The following CAMK2D variants were observed in gnomAD, a reference collection of about 807,000 sequenced individuals.
CAMK2D encodes calcium/calmodulin-dependent protein kinase type II subunit delta.
CAMK2D carries 37 observed loss-of-function variants against 84.0 expected under a neutral mutation model. The observed-to-expected ratio is 0.44, with a 90% CI of 0.34 to 0.58. CAMK2D has a LOEUF of 0.58. Among genes scored for constraint, CAMK2D ranks in the 20% least tolerant of loss-of-function variants. CAMK2D has a pLI of 0.02. For missense variants in CAMK2D, 448 were observed against 652.5 expected, an observed-to-expected ratio of 0.69 and a Z score of 3.41; for synonymous variants, 202 against 212.5, an observed-to-expected ratio of 0.95 and a Z score of 0.43.
chr4:113,537,536 A>G (rs898538054), intron 6 of CAMK2D, 93 bp from the exon 7 acceptor site: 4 of 718,320 alleles, frequency 5.6e-6, no homozygotes, highest in African/African-American at 5.3e-5. Flanking sequence ...TTAGGGGGAA[A>G]AAATTCATGC....
At chr4:113,672,037 T>C (rs1349229254) in intron 2 of CAMK2D, among the ~76,000 whole-genome samples, 4 of 152,204 alleles carry the variant, frequency 2.6e-5, no homozygotes, top group Admixed American at 6.5e-5. Context: ...ATGTTCCTTG[T>C]TATGCTTATG....
intron 3 of CAMK2D, among the ~76,000 whole-genome samples, chr4:113,619,833 C>T (rs1042562262): frequency 2.6e-5 from 4 of 152,108 alleles, no homozygotes; most frequent in Admixed American, 2.6e-4. Flanking sequence ...ACTGAAAATA[C>T]AAACCCCTTT....
chr4:113,650,059 CAG>C (rs920874521), intron 3 of CAMK2D, among the ~76,000 whole-genome samples: 4 of 151,934 alleles, frequency 2.6e-5, no homozygotes, highest in African/African-American at 9.7e-5. Flanking sequence ...GCCCTCCAGC[CAG>C]AGTGACAGAG....
intron 4 of CAMK2D, among the ~76,000 whole-genome samples, chr4:113,605,412 T>C (rs1461395441): frequency 6.6e-6 from 1 of 152,216 alleles, no homozygotes; most frequent in Non-Finnish European, 1.5e-5. Context: ...CTCTCTCTTG[T>C]TTAATTCTCA....
At chr4:113,587,993 C>T (rs1253532583) in intron 4 of CAMK2D, among the ~76,000 whole-genome samples, 1 of 151,918 alleles carries the variant, frequency 6.6e-6, no homozygotes, top group Non-Finnish European at 1.5e-5. Context: ...TGAAAATGCC[C>T]CATTTGGGTC....
rs560002213 is a variant in CAMK2D, at chr4:113,491,939, G to C, written c.1135+8524C>G. On this transcript the variant is annotated intron_variant, in intron 16 of 20. Transcript: ENST00000511664. ...CTAGTTTATTTGCGTAGAGCTGTTT[G>C]TAGTATTCTCTGATGGTAGTTTCTA... is the stretch of plus-strand genomic sequence containing the variant. Among the ~76,000 whole-genome samples the C allele has an allele frequency of 1.2e-4, 19 of 152,224 alleles. No homozygotes were observed. The South Asian group carries it at 1.7e-3, about 13-fold the overall frequency.
At chr4:113,515,614 G>C (rs574947412) in intron 9 of CAMK2D, among the ~76,000 whole-genome samples, 2 of 152,100 alleles carry the variant, frequency 1.3e-5, no homozygotes, top group Non-Finnish European at 2.9e-5. Flanking sequence ...ATGATATTAT[G>C]CCAAGGTTCA....
intron 2 of CAMK2D, among the ~76,000 whole-genome samples, chr4:113,698,413 A>C (rs563953039): frequency 3.9e-5 from 6 of 152,202 alleles, no homozygotes; most frequent in Non-Finnish European, 8.8e-5. Flanking sequence ...TGGGGATCTC[A>C]ATAGATGTAC....
chr4:113,636,556 A>G (rs2099110531), intron 3 of CAMK2D, among the ~76,000 whole-genome samples: 1 of 152,162 alleles, frequency 6.6e-6, no homozygotes, highest in Non-Finnish European at 1.5e-5. Context: ...CTTACACAAC[A>G]TATTTATTTC....
chr4:113,522,353 A>G (rs986587820), intron 8 of CAMK2D, among the ~76,000 whole-genome samples: 1 of 152,236 alleles, frequency 6.6e-6, no homozygotes, highest in South Asian at 2.1e-4. Context: ...GAAGTACACA[A>G]TTAATTACAT....
chr4:113,482,393 A>G (rs1002615852), intron 16 of CAMK2D, among the ~76,000 whole-genome samples: 3 of 152,198 alleles, frequency 2.0e-5, no homozygotes, highest in East Asian at 1.9e-4. Context: ...AAGAAAGACT[A>G]AGGATGATGA....
chr4:113,470,119 C>T (rs1012007953), intron 16 of CAMK2D, among the ~76,000 whole-genome samples: 3 of 152,108 alleles, frequency 2.0e-5, no homozygotes, highest in African/African-American at 7.2e-5. Context: ...AGAGAGACTA[C>T]AAAACCTTGC....
At chr4:113,632,393 T>G (rs541472650) in intron 3 of CAMK2D, among the ~76,000 whole-genome samples, 7 of 152,114 alleles carry the variant, frequency 4.6e-5, no homozygotes, top group African/African-American at 1.7e-4. Flanking sequence ...CCAGCTAATT[T>G]TGTAATTTTA....
Position 113,713,991 on chromosome 4 carries a change from A to T in CAMK2D, c.160+45329T>A, listed in dbSNP as rs114271194. On this transcript the variant is annotated intron_variant, in intron 2 of 20. Coordinates refer to ENST00000511664, the MANE Select transcript of CAMK2D (RefSeq NM_001321571.2). ...TTTTGTGAGTTTTTAAAACAAATAT[A>T]TCCTTCATTACCACTATATCATACA... Among the ~76,000 whole-genome samples, 605 of 151,990 alleles carry T rather than the reference A, an allele frequency of 4.0e-3. 6 individuals are homozygous for T. Among genetic ancestry groups the T allele is most frequent in the African/African-American group, 0.014 (585 of 41,504 alleles).
At position 113,572,781 on chromosome 4, in the gene CAMK2D, T is replaced by C. The variant is rs1337820412; in HGVS notation, c.276-20685A>G. 4.6e-5 allele frequency among the ~76,000 whole-genome samples: 7 copies of C among 152,082 alleles called. No individual in the cohort carries two copies. In the East Asian group the frequency reaches 9.7e-4, roughly 21 times the overall value. On this transcript the variant is annotated intron_variant, in intron 4 of 20. Transcript: ENST00000511664. ...ATTCGACCCAGCAAAAGCAAATACA[T>C]GGAATCAACCTAAATGCCCATCAAT...
chr4:113,591,974 A>T (rs879535809), intron 4 of CAMK2D, among the ~76,000 whole-genome samples: 1 of 152,162 alleles, frequency 6.6e-6, no homozygotes, highest in African/African-American at 2.4e-5. Context: ...TTGTAGGCAG[A>T]TATGTCTTAT....
At chr4:113,734,584 T>C (rs2099576580) in intron 2 of CAMK2D, among the ~76,000 whole-genome samples, 1 of 152,222 alleles carries the variant, frequency 6.6e-6, no homozygotes, top group African/African-American at 2.4e-5. Context: ...CAGTGTTATC[T>C]ATTGACAATA....
intron 2 of CAMK2D, among the ~76,000 whole-genome samples, chr4:113,664,473 G>A (rs1459801621): frequency 6.6e-6 from 1 of 152,180 alleles, no homozygotes; most frequent in Non-Finnish European, 1.5e-5. Context: ...TTCCAAGCTG[G>A]CATAGTTGTT....
intron 3 of CAMK2D, among the ~76,000 whole-genome samples, chr4:113,614,575 A>T (rs1348280786): frequency 6.6e-6 from 1 of 152,188 alleles, no homozygotes; most frequent in Non-Finnish European, 1.5e-5. Context: ...TCTGAGGATA[A>T]GAGATAATTC....
Sources: gnomAD v4.1 joint callset for allele counts (sites outside exome capture counted in the v4.1 genomes callset) on GRCh38, gnomAD v4.1.1 for gene constraint, MANE v1.5 for transcripts, NCBI Gene and HGNC (gene_info 2026-07-23, HGNC 2026-07-21) for gene names.